NCKAP5: variants seen among roughly 807,000 people sequenced by gnomAD.
NCKAP5 encodes the protein nck-associated protein 5.
In NCKAP5, 92 loss-of-function variants were observed where a neutral mutation model predicts 167.0. That is an observed-to-expected ratio of 0.55 (90% CI 0.47 to 0.66). The LOEUF (loss-of-function observed/expected upper bound fraction) is 0.66. NCKAP5 is among the 30% of genes least tolerant of loss of function. The pLI, the probability that NCKAP5 is intolerant of heterozygous loss-of-function variation, is 0.00. For synonymous variants in NCKAP5, 891 were observed against 877.4 expected (o/e 1.02, Z -0.27); for missense variants, 2,378 against 2,315.0 (o/e 1.03, Z -0.56).
chr2:133,319,075 C>G (rs1458872708), intron 3 of NCKAP5, among the ~76,000 whole-genome samples: 2 of 152,026 alleles, frequency 1.3e-5, no homozygotes, highest in African/African-American at 4.8e-5. Context: ...TCCACTAAAC[C>G]TTAAGAACGA....
At chr2:133,100,215 T>G (rs1289531390) in intron 6 of NCKAP5, among the ~76,000 whole-genome samples, 2 of 152,186 alleles carry the variant, frequency 1.3e-5, no homozygotes, top group East Asian at 1.9e-4. Context: ...GTAGAAAAGG[T>G]AAGCTATGGT....
At chr2:132,920,008 C>A (rs1035664421) in intron 8 of NCKAP5, among the ~76,000 whole-genome samples, 1 of 152,162 alleles carries the variant, frequency 6.6e-6, no homozygotes, top group East Asian at 1.9e-4. Flanking sequence ...ATTGCTGGAG[C>A]CAATTTTAAA....
chr2:133,518,499 C>A (rs778955582), intron 2 of NCKAP5, among the ~76,000 whole-genome samples: 1 of 145,860 alleles, frequency 6.9e-6, no homozygotes, highest in African/African-American at 2.5e-5. Flanking sequence ...GGACTACAGG[C>A]GCCTGCCACC....
rs148960058 is a variant in NCKAP5 at position 133,341,792 on chromosome 2, G to C, written c.70-38682C>G. Among the ~76,000 whole-genome samples the C allele has an allele frequency of 3.4e-3, 520 of 152,126 alleles. 6 individuals are homozygous for C. Among genetic ancestry groups the C allele is most frequent in the African/African-American group, 0.012 (480 of 41,470 alleles). ...CCTGTCTTTACATTTCCAGCACCTG[G>C]GACAGAGCCTGGACTTTAAAGTTAT... is the stretch of plus-strand genomic sequence containing the variant. On this transcript the variant is annotated intron_variant, in intron 3 of 19. Coordinates refer to ENST00000409261, the MANE Select transcript of NCKAP5 (RefSeq NM_207363.3).
chr2:133,084,215 C>G (rs1487407778), intron 6 of NCKAP5, among the ~76,000 whole-genome samples: 1 of 152,050 alleles, frequency 6.6e-6, no homozygotes, highest in Non-Finnish European at 1.5e-5. Flanking sequence ...CATGCACATG[C>G]CTGGGAATGG....
At position 132,737,222 on chromosome 2, in the gene NCKAP5, A is replaced by C. The variant is rs905610575; in HGVS notation, c.5129-5171T>G. Among the ~76,000 whole-genome samples the C allele has an allele frequency of 2.6e-5, 4 of 152,342 alleles. No homozygotes were observed. In the East Asian group the frequency reaches 5.8e-4, roughly 22 times the overall value. ...CTCGGTACACCTGGAACCCATTCAG[A>C]GCAGTCTACAGCAGAATGGTAGAGA... On this transcript the variant is annotated intron_variant, in intron 16 of 19. Coordinates refer to ENST00000409261, the MANE Select transcript of NCKAP5 (RefSeq NM_207363.3).
At chr2:132,990,883 T>C (rs1233190151) in intron 7 of NCKAP5, among the ~76,000 whole-genome samples, 2 of 152,168 alleles carry the variant, frequency 1.3e-5, no homozygotes, top group Non-Finnish European at 2.9e-5. Flanking sequence ...AACAGGAAAC[T>C]AATACACTTA....
chr2:132,962,648 T>A (rs929078853), intron 8 of NCKAP5, among the ~76,000 whole-genome samples: 1 of 152,150 alleles, frequency 6.6e-6, no homozygotes, highest in Non-Finnish European at 1.5e-5. Context: ...TGGAGTGCAG[T>A]GGCGCAATCT....
chr2:133,203,320 C>T (rs185970914), intron 5 of NCKAP5, among the ~76,000 whole-genome samples: 10 of 152,086 alleles, frequency 6.6e-5, no homozygotes, highest in Non-Finnish European at 1.2e-4. Flanking sequence ...TGTTCTCACT[C>T]ATAGGTGGGA....
rs530977345 is a variant in NCKAP5 at position 133,112,787 on chromosome 2, A to T, written c.341+17191T>A. Among the ~76,000 whole-genome samples, 3 of 152,278 alleles carry T rather than the reference A, an allele frequency of 2.0e-5. No individual in the cohort carries two copies. The South Asian group carries it at 6.2e-4, about 32-fold the overall frequency. ...ACAATTATTGTCAGAACTACCCTAT[A>T]ATTTGCCTCCTACAAATATCCAAAT... is the stretch of plus-strand genomic sequence containing the variant. On this transcript the variant is annotated intron_variant, in intron 6 of 19. Transcript: ENST00000409261.
chr2:133,027,390 C>A (rs2078734021), intron 6 of NCKAP5, among the ~76,000 whole-genome samples: 2 of 152,166 alleles, frequency 1.3e-5, no homozygotes, highest in African/African-American at 4.8e-5. Flanking sequence ...AAGTGCTTTG[C>A]ATGTATTAAC....
chr2:133,581,980 T>G, the NCKAP5 span, among the ~76,000 whole-genome samples: 1 of 152,232 alleles, frequency 6.6e-6, no homozygotes, highest in Non-Finnish European at 1.5e-5. Context: ...TCAATGTATT[T>G]ACATTTTCCA....
At chr2:133,639,294 A>T in the NCKAP5 span, among the ~76,000 whole-genome samples, 1 of 152,192 alleles carries the variant, frequency 6.6e-6, no homozygotes, top group African/African-American at 2.4e-5. Flanking sequence ...AATATCTACA[A>T]TCCAGCAACT....
At chr2:133,130,854 G>A (rs536644455) in intron 5 of NCKAP5, among the ~76,000 whole-genome samples, 71 of 152,190 alleles carry the variant, frequency 4.7e-4, no homozygotes, top group Non-Finnish European at 7.4e-4. Context: ...TTTTGTTGTT[G>A]TTGTTGTTGT....
chr2:132,883,564 C>T (rs1300245670), intron 8 of NCKAP5, among the ~76,000 whole-genome samples: 1 of 152,136 alleles, frequency 6.6e-6, no homozygotes, highest in Admixed American at 6.5e-5. Flanking sequence ...GGCAGGCTGC[C>T]TCTCTGAGAC....
intron 3 of NCKAP5, among the ~76,000 whole-genome samples, chr2:133,426,837 A>T (rs1013695078): frequency 6.6e-6 from 1 of 152,034 alleles, no homozygotes; most frequent in African/African-American, 2.4e-5. Flanking sequence ...CTATCTTTCC[A>T]TTTTTTTTCT....
At chr2:133,009,885 T>C (rs1262414369) in intron 6 of NCKAP5, among the ~76,000 whole-genome samples, 2 of 151,796 alleles carry the variant, frequency 1.3e-5, no homozygotes, top group East Asian at 3.9e-4. Context: ...CTGGCCAACA[T>C]GGTGAAACCC....
chr2:133,343,725 C>T (rs984634024), intron 3 of NCKAP5, among the ~76,000 whole-genome samples: 3 of 152,258 alleles, frequency 2.0e-5, no homozygotes, highest in Admixed American at 1.3e-4. Context: ...CCTGTACTCA[C>T]GGAGGTTAAA....
chr2:133,173,643 TGTC>T (rs1207407390), intron 5 of NCKAP5, among the ~76,000 whole-genome samples: 2 of 152,172 alleles, frequency 1.3e-5, no homozygotes, highest in African/African-American at 2.4e-5. Context: ...CACTTTTCCT[TGTC>T]GTATTCAGAA....
Sources: allele counts gnomAD v4.1 joint callset (sites outside exome capture counted in the v4.1 genomes callset), GRCh38; gene constraint gnomAD v4.1.1; transcripts MANE v1.5; gene names NCBI Gene and HGNC (gene_info 2026-07-23, HGNC 2026-07-21).